PGAP1: variants seen among roughly 807,000 people sequenced by gnomAD.
PGAP1 encodes the protein GPI inositol-deacylase.
Under a neutral mutation model 127.0 loss-of-function variants are expected in PGAP1, and 76 were observed. The observed-to-expected ratio is 0.60, with a 90% confidence interval of 0.50 to 0.72. PGAP1 has a LOEUF of 0.72. Ranked by LOEUF, PGAP1 falls within the 30% of genes least tolerant of loss-of-function variation. PGAP1 has a pLI of 0.00. For missense variants in PGAP1, 982 were observed against 1,071.3 expected (o/e 0.92, Z 1.16); for synonymous variants, 362 against 366.5 (o/e 0.99, Z 0.14).
chr2:196,926,543 A>G lies in PGAP1; in HGVS notation c.74T>C (p.Leu25Pro). Residue 25 changes from leucine to proline, a missense_variant, in exon 1 of 27, where the codon CTG (leucine) becomes CCG (proline). Physicochemically the swap from Leu to Pro is moderately conservative, Grantham distance 98. Coordinates refer to ENST00000354764, the MANE Select transcript of PGAP1 (RefSeq NM_024989.4). ...CTCGAAGCCGAAGAAGACATCCCAC[A>G]GCCCCAGGGTTGCCAGAAAGACCAT... ...VFMVFLATLGLWDVFFGFEEN... is the reference protein window; with the variant it reads ...VFMVFLATLGPWDVFFGFEEN... The G allele has an allele frequency of 1.2e-6, 2 of 1,613,008 alleles. No individual in the cohort carries two copies. Among genetic ancestry groups the G allele is most frequent in the Non-Finnish European group, 8.5e-7 (1 of 1,179,464 alleles).
chr2:196,915,139 CA>C (rs1235000336), intron 3 of PGAP1, among the ~76,000 whole-genome samples: 1 of 152,152 alleles, frequency 6.6e-6, no homozygotes, highest in Admixed American at 6.6e-5. Flanking sequence ...GTTTCTTTGA[CA>C]ACAAACTCTC....
At chr2:196,923,321 C>G (rs532164215) in intron 1 of PGAP1, among the ~76,000 whole-genome samples, 1 of 152,318 alleles carries the variant, frequency 6.6e-6, no homozygotes, top group African/African-American at 2.4e-5. Flanking sequence ...TTCAGTACTT[C>G]ATACACCCTC....
rs756752109 is a variant in PGAP1 at position 196,893,249 on chromosome 2, G to C, written c.928-4C>G. On this transcript the variant is annotated splice_polypyrimidine_tract_variant and splice_region_variant and intron_variant, in intron 7 of 26. Transcript: ENST00000354764. ...TCTTCTTGGAATTTTGAGTTATCTA[G>C]AAAGAACATTGATACATTCTGTATC... 4.9e-6 allele frequency: 7 copies of C among 1,433,232 alleles called. No individual in the cohort carries two copies. The highest frequency in any genetic ancestry group is 6.9e-6 in the Non-Finnish European group (7 of 1,018,766). 88.8% of individuals were successfully genotyped at this position (1,433,232 alleles called of 1,614,324 possible).
intron 20 of PGAP1, among the ~76,000 whole-genome samples, chr2:196,857,713 ACTAAC>A (rs1042773469): frequency 1.8e-4 from 27 of 152,328 alleles, no homozygotes; most frequent in African/African-American, 6.5e-4. Context: ...TGATAATAAA[ACTAAC>A]ACAAAAGACT....
chr2:196,901,896 C>T (rs1702504642), intron 5 of PGAP1, among the ~76,000 whole-genome samples: 1 of 152,160 alleles, frequency 6.6e-6, no homozygotes, highest in South Asian at 2.1e-4. Flanking sequence ...CCCTGGATTC[C>T]AGTCCACACA....
intron 19 of PGAP1, among the ~76,000 whole-genome samples, chr2:196,869,087 T>G (rs1373257712): frequency 6.6e-6 from 1 of 152,224 alleles, no homozygotes; most frequent in Non-Finnish European, 1.5e-5. Flanking sequence ...CTGTACATCC[T>G]CAGTCTTTAG....
chr2:196,898,595 GGTTA>G (rs1368628972), intron 5 of PGAP1, among the ~76,000 whole-genome samples: 1 of 151,848 alleles, frequency 6.6e-6, no homozygotes, highest in Non-Finnish European at 1.5e-5. Flanking sequence ...TATCACTCCT[GGTTA>G]GTCAAGTTTA....
chr2:196,896,159 T>C (rs1406962473), intron 7 of PGAP1, among the ~76,000 whole-genome samples: 3 of 152,220 alleles, frequency 2.0e-5, no homozygotes, highest in Non-Finnish European at 2.9e-5. Context: ...AAGGATACTA[T>C]GATTTCCATA....
Position 196,897,731 on chromosome 2 carries a change from T to C in PGAP1, c.861-534A>G, listed in dbSNP as rs192058696. ...AAAAGTGCAGTTGATTCCACCCAACTAGTAAAAACTCAAAAACTTTGGTAT... is the reference window on the plus strand; with the variant it reads ...AAAAGTGCAGTTGATTCCACCCAACCAGTAAAAACTCAAAAACTTTGGTAT... On this transcript the variant is annotated intron_variant, in intron 6 of 26. Coordinates refer to ENST00000354764, the MANE Select transcript of PGAP1 (RefSeq NM_024989.4). 8.0e-4 allele frequency among the ~76,000 whole-genome samples: 122 copies of C among 152,328 alleles called. 1 individual carries two copies. The highest frequency in any genetic ancestry group is 4.1e-4 in the South Asian group (2 of 4,824).
chr2:196,866,222 T>C (rs1308022434), intron 19 of PGAP1, among the ~76,000 whole-genome samples: 1 of 152,142 alleles, frequency 6.6e-6, no homozygotes, highest in Non-Finnish European at 1.5e-5. Context: ...CTTCAAACTA[T>C]ACTACAAAGC....
Position 196,885,470 on chromosome 2 carries a change from T to C in PGAP1, c.1226A>G (p.Gln409Arg). The C allele has an allele frequency of 1.3e-6, 2 of 1,595,444 alleles. No homozygotes were observed. The highest frequency in any genetic ancestry group is 1.7e-6 in the Non-Finnish European group (2 of 1,168,950). The change falls in exon 12 of 27, where the codon CAA becomes CGA. Residue 409 changes from glutamine to arginine, a missense_variant. Coordinates refer to ENST00000354764, the MANE Select transcript of PGAP1 (RefSeq NM_024989.4). ...ACINSTSMCL[Q>R]GVDLSWKAEL... Reference sequence around the variant, plus strand: ...AGCTTTCCATGATAAATCAACCCCTTGCAGGCTTTGAAATAAATATGAAAA... The same window carrying C: ...AGCTTTCCATGATAAATCAACCCCTCGCAGGCTTTGAAATAAATATGAAAA...
At chr2:196,899,003 T>C (rs1483333658) in intron 5 of PGAP1, among the ~76,000 whole-genome samples, 1 of 151,564 alleles carries the variant, frequency 6.6e-6, no homozygotes, top group African/African-American at 2.4e-5. Flanking sequence ...TTCTAAAAAA[T>C]ATAAGTATTT....
chr2:196,841,167 C>G lies in PGAP1; in HGVS notation c.*67G>C. The G allele has an allele frequency of 2.1e-6, 3 of 1,443,584 alleles. No individual in the cohort carries two copies. Among genetic ancestry groups the G allele is most frequent in the Non-Finnish European group, 2.8e-6 (3 of 1,067,570 alleles). The allele number at this position is 1,443,584 out of a possible 1,614,324, so 89.4% of individuals were successfully genotyped here. ...GATCTTGCTGTCCATACTGATGGATCTGTGTGTTCCCTCTTATCACTGGCC... is the reference window on the plus strand; with the variant it reads ...GATCTTGCTGTCCATACTGATGGATGTGTGTGTTCCCTCTTATCACTGGCC... On this transcript the variant is annotated 3_prime_UTR_variant, in exon 27 of 27. Coordinates refer to ENST00000354764, the MANE Select transcript of PGAP1 (RefSeq NM_024989.4).
At chr2:196,925,975 T>G (rs573035708) in intron 1 of PGAP1, among the ~76,000 whole-genome samples, 51 of 152,044 alleles carry the variant, frequency 3.4e-4, no homozygotes, top group Non-Finnish European at 6.5e-4. Context: ...CTCGGTCCCT[T>G]TCTAGAAATG....
At chr2:196,874,916 T>C (rs1701517971) in intron 14 of PGAP1, among the ~76,000 whole-genome samples, 1 of 152,112 alleles carries the variant, frequency 6.6e-6, no homozygotes, top group South Asian at 2.1e-4. Context: ...CTCAGGAGGC[T>C]GAGGTGGAAG....
chr2:196,881,856 A>C (rs1413675116), intron 12 of PGAP1, among the ~76,000 whole-genome samples: 1 of 151,992 alleles, frequency 6.6e-6, no homozygotes, highest in African/African-American at 2.4e-5. Context: ...CTGTGCAGAA[A>C]CTTTTTAGTT....
In PGAP1 at chr2:196,838,977, G is replaced by A. The variant is rs895041219; in HGVS notation, c.*2257C>T. 5 of 152,424 alleles carry A rather than the reference G, an allele frequency of 3.3e-5. No homozygotes were observed. 9.4% of individuals were successfully genotyped at this position (152,424 alleles called of 1,614,324 possible). ...GGGCATCACTTGCACCTGGGAGGTG[G>A]AGGTTGCAGTGAGCTGAAATCGCGC... On this transcript the variant is annotated 3_prime_UTR_variant, in exon 27 of 27. Coordinates refer to ENST00000354764, the MANE Select transcript of PGAP1 (RefSeq NM_024989.4).
chr2:196,917,832 T>C (rs1209597885), intron 2 of PGAP1, among the ~76,000 whole-genome samples: 3 of 152,162 alleles, frequency 2.0e-5, no homozygotes, highest in African/African-American at 7.2e-5. Context: ...ATATGTTTAT[T>C]TTTCTTGGGT....
rs1466304004 is a variant in PGAP1 at position 196,885,476 on chromosome 2, CT to C, written c.1221-2del. 7.5e-6 allele frequency: 12 copies of C among 1,589,712 alleles called. No homozygotes were observed. The East Asian group carries it at 2.7e-4, about 36-fold the overall frequency. ...CCATGATAAATCAACCCCTTGCAGG[CT>C]TTGAAATAAATATGAAAATATAATT... is the stretch of plus-strand genomic sequence containing the variant. On this transcript the variant is annotated splice_acceptor_variant, in intron 11 of 26. Coordinates refer to ENST00000354764, the MANE Select transcript of PGAP1 (RefSeq NM_024989.4). LOFTEE classifies it high-confidence loss of function.
Sources: allele counts gnomAD v4.1 joint callset (sites outside exome capture counted in the v4.1 genomes callset), GRCh38; gene constraint gnomAD v4.1.1; transcripts MANE v1.5; gene names NCBI Gene and HGNC (gene_info 2026-07-23, HGNC 2026-07-21).